Variants in PTPRD observed in about 807,000 individuals in gnomAD.
PTPRD encodes receptor-type tyrosine-protein phosphatase delta.
Under a neutral mutation model 214.5 loss-of-function variants are expected in PTPRD, and 34 were observed. The ratio of observed to expected loss-of-function variants is 0.16; its 90% CI spans 0.12 to 0.21. The LOEUF (loss-of-function observed/expected upper bound fraction) is 0.21. PTPRD is among the 10% of genes least tolerant of loss of function. The pLI is 1.00. For synonymous variants in PTPRD, 1,128 were observed against 845.7 expected (o/e 1.33, Z -5.79); for missense variants, 2,545 against 2,398.7 (o/e 1.06, Z -1.27).
At chr9:8,812,249 C>T (rs949159588) in intron 11 of PTPRD, among the ~76,000 whole-genome samples, 20 of 152,080 alleles carry the variant, frequency 1.3e-4, no homozygotes, top group Non-Finnish European at 2.9e-4. Context: ...TATATATATG[C>T]ACAGATAGAT....
At chr9:9,364,704 A>T (rs547121598) in intron 9 of PTPRD, among the ~76,000 whole-genome samples, 1 of 151,564 alleles carries the variant, frequency 6.6e-6, no homozygotes, top group South Asian at 2.1e-4. Context: ...GAGCAAGGAA[A>T]GGTCCCATTT....
intron 33 of PTPRD, among the ~76,000 whole-genome samples, chr9:8,458,684 C>A (rs1190419129): frequency 1.3e-5 from 2 of 152,092 alleles, no homozygotes; most frequent in Non-Finnish European, 2.9e-5. Flanking sequence ...ACTCACGGGG[C>A]AGGTGTGTAC....
intron 30 of PTPRD, among the ~76,000 whole-genome samples, chr9:8,476,507 C>G (rs140154265): frequency 0.02 from 3,113 of 152,236 alleles, 60 homozygotes; most frequent in Non-Finnish European, 0.033. Flanking sequence ...CTGCCTAGAA[C>G]TTTCTGTCAC....
chr9:8,589,546 G>C (rs1594700154), intron 14 of PTPRD, among the ~76,000 whole-genome samples: 1 of 152,188 alleles, frequency 6.6e-6, no homozygotes, highest in African/African-American at 2.4e-5. Context: ...TTGAAAACAA[G>C]ATACTACTTG....
intron 8 of PTPRD, among the ~76,000 whole-genome samples, chr9:9,549,478 C>T (rs547196029): frequency 2.8e-4 from 42 of 152,074 alleles, no homozygotes; most frequent in African/African-American, 9.4e-4. Flanking sequence ...CATAAGATGC[C>T]GCCACATCTC....
intron 7 of PTPRD, among the ~76,000 whole-genome samples, chr9:9,657,650 A>G (rs1018647766): frequency 1.4e-4 from 22 of 152,226 alleles, no homozygotes; most frequent in African/African-American, 5.1e-4. Flanking sequence ...AATCATGGCT[A>G]AATGTTGTTT....
intron 8 of PTPRD, among the ~76,000 whole-genome samples, chr9:9,524,427 G>T (rs1590697256): frequency 6.6e-6 from 1 of 152,162 alleles, no homozygotes; most frequent in East Asian, 1.9e-4. Flanking sequence ...AATTCCTAAA[G>T]ATTTATTGCT....
chr9:8,808,181 G>C (rs949278209), intron 11 of PTPRD, among the ~76,000 whole-genome samples: 1 of 152,058 alleles, frequency 6.6e-6, no homozygotes, highest in Non-Finnish European at 1.5e-5. Context: ...TTAGGATTTA[G>C]AAGCACACAT....
intron 43 of PTPRD, among the ~76,000 whole-genome samples, chr9:8,338,449 G>C (rs1378612308): frequency 6.6e-6 from 1 of 152,090 alleles, no homozygotes; most frequent in Non-Finnish European, 1.5e-5. Flanking sequence ...TGCAAAGCTT[G>C]TCAGATTTTT....
At chr9:9,480,772 C>A (rs920448950) in intron 8 of PTPRD, among the ~76,000 whole-genome samples, 1 of 151,954 alleles carries the variant, frequency 6.6e-6, no homozygotes, top group African/African-American at 2.4e-5. Flanking sequence ...CATTAACATC[C>A]ATCAATAATT....
chr9:9,439,116 G>C (rs2086487704), intron 8 of PTPRD, among the ~76,000 whole-genome samples: 1 of 151,962 alleles, frequency 6.6e-6, no homozygotes, highest in Non-Finnish European at 1.5e-5. Context: ...GTATAAAGTA[G>C]CATTAAAATA....
In PTPRD at chr9:10,559,599, G is replaced by A. The variant is rs182226448; in HGVS notation, c.-600+52799C>T. Among the ~76,000 whole-genome samples the A allele has an allele frequency of 2.5e-3, 387 of 152,080 alleles. 1 individual carries two copies. The highest frequency in any genetic ancestry group is 8.7e-3 in the African/African-American group (362 of 41,510). ...AAAGAGCTTCTGCACAGCAAAAGAAGCTACCATCAGAGTGAACAGGCAACC... is the reference window on the plus strand; with the variant it reads ...AAAGAGCTTCTGCACAGCAAAAGAAACTACCATCAGAGTGAACAGGCAACC... On this transcript the variant is annotated intron_variant, in intron 2 of 45. Transcript: ENST00000381196.
chr9:8,322,014 G>C (rs199771716), intron 44 of PTPRD, among the ~76,000 whole-genome samples: 6,894 of 152,142 alleles, frequency 0.045, 204 homozygotes, highest in South Asian at 0.16. Flanking sequence ...CTGTTAAAGT[G>C]ATCTGTGATC....
intron 8 of PTPRD, among the ~76,000 whole-genome samples, chr9:9,483,699 G>C (rs1418862393): frequency 1.3e-5 from 2 of 151,862 alleles, no homozygotes; most frequent in East Asian, 1.9e-4. Context: ...GGAGGCTCTG[G>C]ATGCTCTGAG....
intron 2 of PTPRD, among the ~76,000 whole-genome samples, chr9:10,474,953 C>T (rs970708635): frequency 1.1e-4 from 17 of 152,052 alleles, no homozygotes; most frequent in South Asian, 6.2e-4. Flanking sequence ...AAAGAGACAA[C>T]GTACCAGTGT....
intron 8 of PTPRD, among the ~76,000 whole-genome samples, chr9:9,563,302 C>T (rs1267595157): frequency 6.6e-6 from 1 of 152,130 alleles, no homozygotes; most frequent in African/African-American, 2.4e-5. Context: ...CATTTGGGAA[C>T]TACCTTATGG....
chr9:9,182,595 A>C (rs2131471881), intron 10 of PTPRD, among the ~76,000 whole-genome samples: 1 of 152,156 alleles, frequency 6.6e-6, no homozygotes, highest in South Asian at 2.1e-4. Context: ...TAGGATTAGA[A>C]ACACACTATT....
Position 9,156,877 on chromosome 9 carries a change from G to A in PTPRD, c.-143+26427C>T, listed in dbSNP as rs1414168624. 5.3e-5 allele frequency among the ~76,000 whole-genome samples: 8 copies of A among 152,286 alleles called. No individual in the cohort carries two copies. The South Asian group carries it at 1.7e-3, about 32-fold the overall frequency. On this transcript the variant is annotated intron_variant, in intron 10 of 45. Transcript: ENST00000381196. Reference sequence around the variant, plus strand: ...ATTCCTATTCCACTGGTGTAAATAAGTAATGAGGCCTCTCTAGATTCAAAG... The same window carrying A: ...ATTCCTATTCCACTGGTGTAAATAAATAATGAGGCCTCTCTAGATTCAAAG...
At chr9:8,641,412 C>A (rs761207751) in intron 12 of PTPRD, among the ~76,000 whole-genome samples, 7 of 148,470 alleles carry the variant, frequency 4.7e-5, no homozygotes, top group Non-Finnish European at 8.8e-5. Context: ...TAGCTAATCA[C>A]CATTGCCATC....
Sources: gnomAD v4.1 joint callset for allele counts (sites outside exome capture counted in the v4.1 genomes callset) on GRCh38, gnomAD v4.1.1 for gene constraint, MANE v1.5 for transcripts, NCBI Gene and HGNC (gene_info 2026-07-23, HGNC 2026-07-21) for gene names.